Variants in CXCL13 observed in about 807,000 individuals in gnomAD.
CXCL13 encodes the protein C-X-C motif chemokine 13.
In CXCL13, 7 loss-of-function variants were observed where a neutral mutation model predicts 12.2. The observed-to-expected ratio is 0.57, with a 90% CI of 0.33 to 1.07. The LOEUF (loss-of-function observed/expected upper bound fraction) is 1.07. Among genes scored for constraint, CXCL13 ranks in the 50% least tolerant of loss-of-function variants. CXCL13 has a pLI of 0.04. For synonymous variants in CXCL13, 47 were observed against 42.4 expected (o/e 1.11, Z -0.42); for missense variants, 113 against 127.4 (o/e 0.89, Z 0.55).
intron 1 of CXCL13, among the ~76,000 whole-genome samples, chr4:77,572,690 C>T (rs1305463316): frequency 6.6e-6 from 1 of 151,888 alleles, no homozygotes; most frequent in Non-Finnish European, 1.5e-5. Flanking sequence ...ACCTTAAAGA[C>T]TTAAAAACAG....
At chr4:77,526,770 G>T (rs542912866) in intron 1 of CXCL13, among the ~76,000 whole-genome samples, 14 of 152,250 alleles carry the variant, frequency 9.2e-5, no homozygotes, top group African/African-American at 3.1e-4. Context: ...CCATCAAAGA[G>T]GAACACACAG....
chr4:77,516,256 G>A (rs1284289816), intron 1 of CXCL13, among the ~76,000 whole-genome samples: 1 of 152,124 alleles, frequency 6.6e-6, no homozygotes, highest in South Asian at 2.1e-4. Context: ...CAAGGATATT[G>A]GTCTAAAATT....
At chr4:77,562,174 AC>A (rs1279221613) in intron 1 of CXCL13, among the ~76,000 whole-genome samples, 22 of 17,538 alleles carry the variant, frequency 1.3e-3, no homozygotes, top group East Asian at 3.4e-3. Flanking sequence ...CGCTGCCCCC[AC>A]CCCCCCATCA....
intron 1 of CXCL13, among the ~76,000 whole-genome samples, chr4:77,529,987 C>G (rs1035075163): frequency 3.3e-5 from 5 of 152,148 alleles, no homozygotes; most frequent in East Asian, 1.9e-4. Flanking sequence ...TAGCATGAAG[C>G]GTTGTTGAAT....
chr4:77,537,955 G>C (rs1239792614), intron 1 of CXCL13, among the ~76,000 whole-genome samples: 1 of 152,168 alleles, frequency 6.6e-6, no homozygotes, highest in Non-Finnish European at 1.5e-5. Flanking sequence ...TTCTGTTGCA[G>C]TTTCTAAGCT....
chr4:77,576,684 G>A (rs1007112068), intron 1 of CXCL13, among the ~76,000 whole-genome samples: 2 of 152,256 alleles, frequency 1.3e-5, no homozygotes, highest in African/African-American at 2.4e-5. Context: ...CCATGGATGG[G>A]CTCAGCTTTA....
At chr4:77,537,716 G>A (rs1285259220) in intron 1 of CXCL13, among the ~76,000 whole-genome samples, 1 of 152,140 alleles carries the variant, frequency 6.6e-6, no homozygotes, top group Non-Finnish European at 1.5e-5. Flanking sequence ...TTTTGTGCAT[G>A]TGTGATAATA....
intron 1 of CXCL13, among the ~76,000 whole-genome samples, chr4:77,514,491 T>G (rs1474116773): frequency 6.9e-6 from 1 of 144,564 alleles, no homozygotes; most frequent in Non-Finnish European, 1.5e-5. Flanking sequence ...TTTTAATGAT[T>G]GCCATTCTAA....
chr4:77,538,321 G>A (rs1725111718), intron 1 of CXCL13, among the ~76,000 whole-genome samples: 1 of 148,154 alleles, frequency 6.7e-6, no homozygotes. Flanking sequence ...GTTTTTTTTT[G>A]TTTGTTTTGG....
At chr4:77,550,149 A>G (rs1329219597) in intron 1 of CXCL13, among the ~76,000 whole-genome samples, 1 of 152,236 alleles carries the variant, frequency 6.6e-6, no homozygotes, top group African/African-American at 2.4e-5. Context: ...CTGCTGAGCC[A>G]GGCACAGGGT....
At chr4:77,588,512 T>TAC (rs1726533666) in intron 1 of CXCL13, among the ~76,000 whole-genome samples, 1 of 152,240 alleles carries the variant, frequency 6.6e-6, no homozygotes, top group Non-Finnish European at 1.5e-5. Context: ...CTGACAATGC[T>TAC]TGGAGCCTGC....
intron 1 of CXCL13, among the ~76,000 whole-genome samples, chr4:77,591,374 C>T (rs1212771595): frequency 1.3e-5 from 2 of 151,540 alleles, no homozygotes; most frequent in African/African-American, 4.9e-5. Flanking sequence ...CAAGGTGAAA[C>T]CCCGTTTCTA....
At chr4:77,523,519 G>T (rs1437331104) in intron 1 of CXCL13, among the ~76,000 whole-genome samples, 4 of 152,122 alleles carry the variant, frequency 2.6e-5, no homozygotes, top group Non-Finnish European at 5.9e-5. Flanking sequence ...TGAAGCTTGT[G>T]CATGCATCAC....
rs571842318 is a variant in CXCL13 at position 77,530,453 on chromosome 4, A to C, written c.-43+18665A>C. 7.9e-5 allele frequency among the ~76,000 whole-genome samples: 12 copies of C among 152,092 alleles called. No individual in the cohort carries two copies. In the South Asian group the frequency reaches 2.3e-3, roughly 29 times the overall value. ...CTATTAATTATTGCATCAATTTCAG[A>C]GCCTGTTATTGTCTATTCAGAGATT... is the stretch of plus-strand genomic sequence containing the variant. On this transcript the variant is annotated intron_variant, in intron 1 of 4. Transcript: ENST00000286758.
At chr4:77,526,077 C>T (rs1467277218) in intron 1 of CXCL13, among the ~76,000 whole-genome samples, 1 of 151,800 alleles carries the variant, frequency 6.6e-6, no homozygotes, top group Non-Finnish European at 1.5e-5. Flanking sequence ...CACTGTGGTC[C>T]ACAGAGAAGA....
chr4:77,588,206 G>A (rs912074059), intron 1 of CXCL13, among the ~76,000 whole-genome samples: 23 of 152,138 alleles, frequency 1.5e-4, no homozygotes, highest in Admixed American at 5.9e-4. Context: ...CCATCCCCCC[G>A]TTCTCACCAT....
At chr4:77,556,801 T>TG (rs1725670022) in intron 1 of CXCL13, among the ~76,000 whole-genome samples, 1 of 152,074 alleles carries the variant, frequency 6.6e-6, no homozygotes, top group Non-Finnish European at 1.5e-5. Flanking sequence ...CACAAGCCCC[T>TG]GAAGTCCGGG....
At chr4:77,522,692 G>A (rs1379508008) in intron 1 of CXCL13, among the ~76,000 whole-genome samples, 2 of 151,530 alleles carry the variant, frequency 1.3e-5, no homozygotes, top group Non-Finnish European at 2.9e-5. Flanking sequence ...TTTAATTGGG[G>A]CATTTAGCCC....
intron 1 of CXCL13, among the ~76,000 whole-genome samples, chr4:77,521,282 G>A (rs1331893188): frequency 1.3e-5 from 2 of 152,200 alleles, no homozygotes; most frequent in East Asian, 3.8e-4. Flanking sequence ...AATGATTCCA[G>A]AAGGAATGGT....
Sources: gnomAD v4.1 joint callset for allele counts (sites outside exome capture counted in the v4.1 genomes callset) on GRCh38, gnomAD v4.1.1 for gene constraint, MANE v1.5 for transcripts, NCBI Gene and HGNC (gene_info 2026-07-23, HGNC 2026-07-21) for gene names.